The following MLLT10 variants were observed in gnomAD, a reference collection of about 807,000 sequenced individuals.
MLLT10 encodes the protein protein AF-10.
A neutral mutation model predicts 129.1 loss-of-function variants in MLLT10; 30 were observed. That is an observed-to-expected ratio of 0.23 (90% CI 0.17 to 0.32). The LOEUF is 0.32. Ranked by LOEUF, MLLT10 falls within the 10% of genes least tolerant of loss-of-function variation. MLLT10 has a pLI of 1.00. For missense variants in MLLT10, 1,119 were observed against 1,268.3 expected, an observed-to-expected ratio of 0.88 and a Z score of 1.79; for synonymous variants, 490 against 446.4, an observed-to-expected ratio of 1.10 and a Z score of -1.23.
chr10:21,608,864 G>A (rs1043446548), intron 5 of MLLT10, among the ~76,000 whole-genome samples: 10 of 151,956 alleles, frequency 6.6e-5, no homozygotes, highest in Admixed American at 1.3e-4. Flanking sequence ...TCCAACATCT[G>A]GGTACTCTCA....
intron 8 of MLLT10, chr10:21,624,871 A>G (rs2046270537): frequency 2.6e-6 from 3 of 1,137,192 alleles, no homozygotes; most frequent in Admixed American, 4.1e-5. Flanking sequence ...CCACCCCTAC[A>G]GCCTCGTGGT....
At chr10:21,555,211 T>A (rs921852717) in intron 3 of MLLT10, among the ~76,000 whole-genome samples, 2 of 152,286 alleles carry the variant, frequency 1.3e-5, no homozygotes, top group African/African-American at 4.8e-5. Context: ...CAATTTATTT[T>A]AATTTAAATT....
chr10:21,703,833 C>T (rs1038137286), intron 13 of MLLT10, among the ~76,000 whole-genome samples: 2 of 150,360 alleles, frequency 1.3e-5, no homozygotes, highest in African/African-American at 4.9e-5. Flanking sequence ...TGTGAGCCAT[C>T]GCACCCGGCC....
intron 8 of MLLT10, chr10:21,626,269 G>A (rs965626857): frequency 1.5e-5 from 22 of 1,476,208 alleles, no homozygotes; most frequent in East Asian, 2.3e-5. Context: ...CATCAAGATC[G>A]ATACAAGCTA....
At chr10:21,606,364 T>G (rs2044068247) in intron 5 of MLLT10, among the ~76,000 whole-genome samples, 1 of 152,232 alleles carries the variant, frequency 6.6e-6, no homozygotes, top group African/African-American at 2.4e-5. Flanking sequence ...AGGAGTCAAT[T>G]TGACATAGAA....
chr10:21,542,431 G>A (rs1268198443), intron 3 of MLLT10, among the ~76,000 whole-genome samples: 3 of 152,128 alleles, frequency 2.0e-5, no homozygotes, highest in African/African-American at 4.8e-5. Flanking sequence ...TTAGCCGGGC[G>A]TGGTAGTGAG....
At chr10:21,717,970 T>C (rs1314257980) in intron 14 of MLLT10, among the ~76,000 whole-genome samples, 1 of 150,894 alleles carries the variant, frequency 6.6e-6, no homozygotes, top group Non-Finnish European at 1.5e-5. Flanking sequence ...TTCTTCTTTC[T>C]TCTTTTTGAG....
chr10:21,547,297 G>A (rs1298917030), intron 3 of MLLT10, among the ~76,000 whole-genome samples: 1 of 151,726 alleles, frequency 6.6e-6, no homozygotes, highest in Non-Finnish European at 1.5e-5. Flanking sequence ...CTTAATATCT[G>A]TACTCCGTTT....
At chr10:21,625,407 C>T (rs1321337895) in intron 8 of MLLT10, 1 of 821,438 alleles carries the variant, frequency 1.2e-6, no homozygotes, top group Non-Finnish European at 2.1e-6. Context: ...AATATTTCGT[C>T]TGTGCCCAAG....
intron 8 of MLLT10, among the ~76,000 whole-genome samples, chr10:21,620,032 C>T (rs1244677104): frequency 1.3e-5 from 2 of 151,126 alleles, no homozygotes; most frequent in Non-Finnish European, 2.9e-5. Flanking sequence ...CGGGTTCAAG[C>T]GATTCTCCTG....
intron 14 of MLLT10, among the ~76,000 whole-genome samples, chr10:21,721,980 G>A (rs983594613): frequency 6.6e-6 from 1 of 151,572 alleles, no homozygotes; most frequent in South Asian, 2.1e-4. Flanking sequence ...GAAAGGGGAA[G>A]GATTCCTCTT....
intron 9 of MLLT10, among the ~76,000 whole-genome samples, chr10:21,667,366 G>GT (rs774665777): frequency 2.1e-4 from 32 of 149,116 alleles, no homozygotes; most frequent in East Asian, 7.8e-4. Flanking sequence ...AAACTGTGGG[G>GT]GTTTTTTTTT....
intron 14 of MLLT10, among the ~76,000 whole-genome samples, chr10:21,716,823 C>T (rs1290141279): frequency 1.3e-5 from 2 of 152,056 alleles, no homozygotes; most frequent in Admixed American, 6.5e-5. Context: ...ACATTTTGTG[C>T]CCCCACACCC....
At chr10:21,538,154 ATT>A (rs747900217) in intron 2 of MLLT10, among the ~76,000 whole-genome samples, 60 of 132,676 alleles carry the variant, frequency 4.5e-4, no homozygotes, top group African/African-American at 5.6e-4. Context: ...TGCCCAGCTA[ATT>A]TTTTTTTTTT....
At chr10:21,600,859 C>G (rs2043459466) in intron 5 of MLLT10, among the ~76,000 whole-genome samples, 1 of 152,134 alleles carries the variant, frequency 6.6e-6, no homozygotes, top group African/African-American at 2.4e-5. Context: ...GTTACACATT[C>G]TCTTACACTT....
intron 2 of MLLT10, 89 bp downstream of exon 2, chr10:21,534,893 G>A: frequency 1.1e-6 from 1 of 949,954 alleles, no homozygotes; most frequent in Non-Finnish European, 1.3e-6. Context: ...CGGCGCCCCC[G>A]CCCCGTGCCG....
intron 8 of MLLT10, chr10:21,624,510 T>C (rs1309693386): frequency 1.2e-6 from 1 of 848,452 alleles, no homozygotes. Flanking sequence ...GATGAAACAG[T>C]TAAACAAAAT....
At chr10:21,649,421 A>G (rs1046911870) in intron 8 of MLLT10, among the ~76,000 whole-genome samples, 4 of 152,058 alleles carry the variant, frequency 2.6e-5, no homozygotes, top group African/African-American at 9.7e-5. Context: ...CCATGACCCA[A>G]TCGTGTATTC....
At chr10:21,618,592 C>G (rs557245498) in intron 8 of MLLT10, among the ~76,000 whole-genome samples, 1 of 152,018 alleles carries the variant, frequency 6.6e-6, no homozygotes, top group African/African-American at 2.4e-5. Context: ...AGTAAATTCT[C>G]TATCATGAGT....
Sources: gnomAD v4.1 joint callset for allele counts (sites outside exome capture counted in the v4.1 genomes callset) on GRCh38, gnomAD v4.1.1 for gene constraint, MANE v1.5 for transcripts, NCBI Gene and HGNC (gene_info 2026-07-23, HGNC 2026-07-21) for gene names.